Variants in EPM2A observed in about 807,000 individuals in gnomAD.
EPM2A encodes EPM2A glucan phosphatase, laforin.
EPM2A carries 21 observed loss-of-function variants against 26.5 expected under a neutral mutation model. The ratio of observed to expected loss-of-function variants is 0.79; its 90% CI spans 0.56 to 1.14. The LOEUF (loss-of-function observed/expected upper bound fraction) is 1.14, where lower values mean the gene tolerates loss of function less well. Among genes scored for constraint, EPM2A ranks in the 50% most tolerant of loss-of-function variants. The pLI is 0.00. For missense variants in EPM2A, 458 were observed against 440.8 expected (o/e 1.04, Z -0.35); for synonymous variants, 217 against 177.6 (o/e 1.22, Z -1.76).
intron 4 of EPM2A, among the ~76,000 whole-genome samples, chr6:145,392,670 A>G (rs1306347085): frequency 6.6e-6 from 1 of 151,908 alleles, no homozygotes; most frequent in African/African-American, 2.4e-5. Flanking sequence ...GACTTCCCTA[A>G]CCCTAAAACA....
chr6:145,665,473 G>A (rs540692931), intron 2 of EPM2A, among the ~76,000 whole-genome samples: 4,079 of 115,916 alleles, frequency 0.035, 152 homozygotes, highest in Middle Eastern at 0.056. Context: ...GGAAGAAGTC[G>A]AATCTCTGAA....
At chr6:145,426,665 CT>C (rs1229836221) in intron 4 of EPM2A, among the ~76,000 whole-genome samples, 5 of 150,298 alleles carry the variant, frequency 3.3e-5, no homozygotes, top group Non-Finnish European at 7.4e-5. Context: ...ACATCAAGTT[CT>C]TTTACACTGG....
intron 4 of EPM2A, among the ~76,000 whole-genome samples, chr6:145,416,275 G>A (rs1284766743): frequency 6.9e-6 from 1 of 144,536 alleles, no homozygotes; most frequent in African/African-American, 2.5e-5. Flanking sequence ...AATGCAGATT[G>A]TCATTAACAC....
At chr6:145,478,290 A>C (rs1779566270) in intron 4 of EPM2A, among the ~76,000 whole-genome samples, 4 of 151,962 alleles carry the variant, frequency 2.6e-5, no homozygotes, top group Admixed American at 2.0e-4. Flanking sequence ...ACCAAAAAAA[A>C]TGGAAAAATA....
At chr6:145,641,832 T>A (rs924301033) in intron 2 of EPM2A, among the ~76,000 whole-genome samples, 1 of 152,146 alleles carries the variant, frequency 6.6e-6, no homozygotes, top group African/African-American at 2.4e-5. Flanking sequence ...ATGACTGAAA[T>A]ACGTGGGCCC....
intron 4 of EPM2A, among the ~76,000 whole-genome samples, chr6:145,399,395 A>G (rs917017996): frequency 3.9e-5 from 6 of 152,170 alleles, no homozygotes; most frequent in Non-Finnish European, 1.5e-5. Context: ...TCAAATAAAG[A>G]AAGTTTATTT....
At chr6:145,472,280 GGGCCCTGGT>G (rs1779483810) in intron 4 of EPM2A, among the ~76,000 whole-genome samples, 1 of 151,784 alleles carries the variant, frequency 6.6e-6, no homozygotes, top group African/African-American at 2.4e-5. Flanking sequence ...CCTACATGGA[GGGCCCTGGT>G]GAGCCCCTGA....
In EPM2A at chr6:145,534,634, A is replaced by G. The variant is rs141650389; in HGVS notation, c.341-32059T>C. Reference sequence around the variant, plus strand: ...CTCTGCAGCTGCAGGAAATTGGCTCACTTTTGGTGACGGAGCAGATGCACT... The same window carrying G: ...CTCTGCAGCTGCAGGAAATTGGCTCGCTTTTGGTGACGGAGCAGATGCACT... On this transcript the variant is annotated intron_variant, in intron 2 of 3. Transcript: ENST00000450221. Among the ~76,000 whole-genome samples, 398 of 152,370 alleles carry G rather than the reference A, an allele frequency of 2.6e-3. 6 individuals carry two copies. The highest frequency in any genetic ancestry group is 9.1e-3 in the African/African-American group (380 of 41,598).
intron 2 of EPM2A, among the ~76,000 whole-genome samples, chr6:145,593,236 T>G (rs1483115112): frequency 1.3e-5 from 2 of 152,144 alleles, no homozygotes; most frequent in Non-Finnish European, 2.9e-5. Flanking sequence ...TAAAGGCCTA[T>G]TCTCCAAGAA....
intron 2 of EPM2A, among the ~76,000 whole-genome samples, chr6:145,600,123 G>T (rs1781397686): frequency 6.6e-6 from 1 of 151,986 alleles, no homozygotes; most frequent in South Asian, 2.1e-4. Context: ...TATTTTTCAT[G>T]TGGACAGCCA....
At chr6:145,490,968 C>T in intron 4 of EPM2A, 2 of 862,822 alleles carry the variant, frequency 2.3e-6, no homozygotes, top group Non-Finnish European at 3.7e-6. Flanking sequence ...AATCCACTTC[C>T]TCTAATGTTT....
chr6:145,412,696 G>A (rs1778660147), intron 4 of EPM2A, among the ~76,000 whole-genome samples: 2 of 152,168 alleles, frequency 1.3e-5, no homozygotes, highest in Non-Finnish European at 2.9e-5. Flanking sequence ...TGAGGCTTTG[G>A]ATGCTGTTCA....
chr6:145,626,286 G>A lies in EPM2A; in HGVS notation c.*1130C>T. 2 of 987,208 alleles carry A rather than the reference G, an allele frequency of 2.0e-6. No homozygotes were observed. The highest frequency in any genetic ancestry group is 2.4e-6 in the Non-Finnish European group (2 of 830,990). The allele number at this position is 987,208 out of a possible 1,614,324, so 61.2% of individuals were successfully genotyped here. A position where few individuals can be genotyped will look rare whatever the true frequency, so the allele number is the denominator to read the frequency against. The stretch of plus-strand genomic sequence containing the variant: ...CCTAGGGTGATGAGCTGCATAGTCT[G>A]GAGGCACAGGAACTGCATATTATAC... On this transcript the variant is annotated 3_prime_UTR_variant, in exon 4 of 4. Coordinates refer to ENST00000367519, the MANE Select transcript of EPM2A (RefSeq NM_005670.4).
chr6:145,479,984 T>C (rs1207518615), intron 4 of EPM2A, among the ~76,000 whole-genome samples: 1 of 152,078 alleles, frequency 6.6e-6, no homozygotes, highest in Non-Finnish European at 1.5e-5. Flanking sequence ...TCATTGTAGT[T>C]TTGATTTTCA....
intron 2 of EPM2A, among the ~76,000 whole-genome samples, chr6:145,510,161 T>C (rs1780035459): frequency 6.6e-6 from 1 of 150,758 alleles, no homozygotes. Context: ...AACACCCCAC[T>C]TACAGCATTT....
At chr6:145,686,438 A>C in intron 1 of EPM2A, 142 bp from the exon 2 acceptor site, 1 of 705,584 alleles carries the variant, frequency 1.4e-6, no homozygotes, top group East Asian at 2.7e-5. Flanking sequence ...TAAACAAAAA[A>C]GACTAGAGTG....
At chr6:145,705,360 GAGAT>G (rs775221222) in intron 1 of EPM2A, among the ~76,000 whole-genome samples, 7 of 152,200 alleles carry the variant, frequency 4.6e-5, no homozygotes, top group East Asian at 3.9e-4. Flanking sequence ...GATATATATA[GAGAT>G]AGATAGATAT....
intron 2 of EPM2A, among the ~76,000 whole-genome samples, chr6:145,619,171 A>T (rs1775578137): frequency 6.6e-6 from 1 of 151,566 alleles, no homozygotes; most frequent in Admixed American, 6.6e-5. Flanking sequence ...AAAAAAAAAA[A>T]TTGGGGAATA....
intron 4 of EPM2A, among the ~76,000 whole-genome samples, chr6:145,441,035 G>T (rs1051316017): frequency 2.6e-5 from 4 of 152,212 alleles, no homozygotes; most frequent in African/African-American, 4.8e-5. Context: ...CCTCTGCACT[G>T]CCCTAGCAGA....
Sources: gnomAD v4.1 joint callset for allele counts (sites outside exome capture counted in the v4.1 genomes callset) on GRCh38, gnomAD v4.1.1 for gene constraint, MANE v1.5 for transcripts, NCBI Gene and HGNC (gene_info 2026-07-23, HGNC 2026-07-21) for gene names.